Variants in SETD1A observed in about 807,000 individuals in gnomAD.
SETD1A encodes SET domain containing 1A, histone lysine methyltransferase.
A neutral mutation model predicts 149.9 loss-of-function variants in SETD1A; 29 were observed. The ratio of observed to expected loss-of-function variants is 0.19; its 90% CI spans 0.14 to 0.26. SETD1A has a LOEUF of 0.26. Ranked by LOEUF, SETD1A falls within the 10% of genes least tolerant of loss-of-function variation. SETD1A has a pLI of 1.00. For missense variants in SETD1A, 2,109 were observed against 2,353.1 expected, an observed-to-expected ratio of 0.90 and a Z score of 2.15; for synonymous variants, 1,141 against 968.5, an observed-to-expected ratio of 1.18 and a Z score of -3.31.
rs1567363730 is a variant in SETD1A, at chr16:30,979,875, G to A, written c.4089G>A (p.Glu1363=). ...AGCAGCAGCGGGAGGAGGGCGAAGA[G>A]GAGGGGGAGGAAGAGGGGGAGGAAG... ...QLQQQREEGE[E]EGEEEGEEEE... is the part of the protein sequence containing the mutation. The change falls in exon 14 of 19, where the codon GAG becomes GAA. Residue 1363 remains glutamate, a synonymous_variant. Transcript: ENST00000262519. 6.5e-7 allele frequency: 1 copy of A among 1,536,562 alleles called. No individual in the cohort carries two copies. Among genetic ancestry groups the A allele is most frequent in the Non-Finnish European group, 8.7e-7 (1 of 1,147,270 alleles).
rs1354982244 is a variant in SETD1A, at chr16:30,983,474, T to C, written c.4813-161T>C. Among the ~76,000 whole-genome samples, 2 of 152,168 alleles carry C rather than the reference T, an allele frequency of 1.3e-5. No individual in the cohort carries two copies. The highest frequency in any genetic ancestry group is 2.9e-5 in the Non-Finnish European group (2 of 68,038). On this transcript the variant is annotated intron_variant, in intron 17 of 18. Coordinates refer to ENST00000262519, the MANE Select transcript of SETD1A (RefSeq NM_014712.3). This position sits in a 1 kb window ranked among gnomAD's most constrained non-coding sequence, Gnocchi z 6.8. ...TGCTGCCCCAAAGAGGGAGGGCTCC[T>C]GGAAGCAGAGTCGAGAGAGTCAGTG...
Position 30,983,862 on chromosome 16 carries a change from G to A in SETD1A, c.4963G>A (p.Ala1655Thr). ...INHCCTPNCY[A>T]KVITIESQKK... is the part of the protein sequence containing the mutation. ...CTTCCATCCGCAGCCTAACTGCTAC[G>A]CCAAGGTCATCACCATCGAGTCCCA... The change falls in exon 19 of 19, where the codon GCC becomes ACC. Residue 1655 changes from alanine (A) to threonine (T), a missense_variant. Physicochemically the swap from Ala to Thr is moderately conservative, Grantham distance 58. Transcript: ENST00000262519. This position sits in a 1 kb window ranked among gnomAD's most constrained non-coding sequence, Gnocchi z 6.8. 6.2e-7 allele frequency: 1 copy of A among 1,610,456 alleles called. No homozygotes were observed. The highest frequency in any genetic ancestry group is 8.5e-7 in the Non-Finnish European group (1 of 1,178,060).
At chr16:30,960,507 CCA>C (rs2056036241) in intron 3 of SETD1A, among the ~76,000 whole-genome samples, 1 of 152,132 alleles carries the variant, frequency 6.6e-6, no homozygotes, top group Non-Finnish European at 1.5e-5. Context: ...TCCCTGGGCT[CCA>C]GAACACCATG....
Position 30,983,894 on chromosome 16 carries a change from G to T in SETD1A, c.4995G>T (p.Lys1665Asn). 2 of 1,612,556 alleles carry T rather than the reference G, an allele frequency of 1.2e-6. No individual in the cohort carries two copies. Among genetic ancestry groups the T allele is most frequent in the Non-Finnish European group, 1.7e-6 (2 of 1,179,252 alleles). Reference sequence around the variant, plus strand: ...TCATCACCATCGAGTCCCAGAAGAAGATCGTGATCTACTCCAAGCAGCCCA... The same window carrying T: ...TCATCACCATCGAGTCCCAGAAGAATATCGTGATCTACTCCAAGCAGCCCA... ...AKVITIESQK[K>N]IVIYSKQPIG... Residue 1665 changes from lysine (K) to asparagine (N), a missense_variant, in exon 19 of 19, where the codon AAG (lysine) becomes AAT (asparagine). Physicochemically the swap from Lys to Asn is moderately conservative, Grantham distance 94. This residue lies in a region of SETD1A where 254 missense variants were observed against 409.3 expected (regional missense o/e 0.62). Coordinates refer to ENST00000262519, the MANE Select transcript of SETD1A (RefSeq NM_014712.3). The surrounding 1 kb of genome is among the most constrained non-coding windows in gnomAD (Gnocchi z 6.8).
In SETD1A at chr16:30,961,217, G is replaced by A. The variant is rs2056047772; in HGVS notation, c.247-50G>A. 13 of 1,586,704 alleles carry A rather than the reference G, an allele frequency of 8.2e-6. No individual in the cohort carries two copies. Among genetic ancestry groups the A allele is most frequent in the Non-Finnish European group, 1.1e-5 (13 of 1,161,786 alleles). ...TGCTAAAGTTTCCCGAAGGACAAAG[G>A]AACAGTGGTCAGTGTTGAGACCCCA... On this transcript the variant is annotated intron_variant, in intron 3 of 18. Coordinates refer to ENST00000262519, the MANE Select transcript of SETD1A (RefSeq NM_014712.3). This position sits in a 1 kb window ranked among gnomAD's most constrained non-coding sequence, Gnocchi z 4.0.
intron 4 of SETD1A, among the ~76,000 whole-genome samples, chr16:30,962,802 G>A (rs1056410501): frequency 6.6e-6 from 1 of 152,180 alleles, no homozygotes; most frequent in Admixed American, 6.5e-5. Context: ...ACAAAAATCC[G>A]GACGTGGTGG....
chr16:30,983,825 G>C lies in SETD1A; in HGVS notation c.4951-25G>C. The C allele has an allele frequency of 6.2e-7, 1 of 1,610,774 alleles. No homozygotes were observed. The highest frequency in any genetic ancestry group is 8.5e-7 in the Non-Finnish European group (1 of 1,178,004). ...GTTGGGGGTCGGTGGGGGTGGCCAC[G>C]GCTCACACGCCCTTCCATCCGCAGC... On this transcript the variant is annotated intron_variant, in intron 18 of 18. Transcript: ENST00000262519. The surrounding 1 kb of genome is among the most constrained non-coding windows in gnomAD (Gnocchi z 6.8).
At chr16:30,968,241 C>T (rs2056174692) in intron 10 of SETD1A, among the ~76,000 whole-genome samples, 1 of 151,954 alleles carries the variant, frequency 6.6e-6, no homozygotes, top group South Asian at 2.1e-4. Flanking sequence ...CCTGTCTCTA[C>T]TAAAAATACA....
Position 30,980,062 on chromosome 16 carries a change from A to G in SETD1A, c.4276A>G (p.Ile1426Val). ...EPRSEFEQMT[I>V]LYDIWNSGLD... is the part of the protein sequence containing the mutation. ...ACGCAGTGAGTTTGAACAGATGACC[A>G]TCCTGTATGACATTTGGAACTCGGG... The change falls in exon 14 of 19, where the codon ATC (isoleucine) becomes GTC (valine). Residue 1426 changes from isoleucine to valine, a missense_variant. By Grantham distance (29) the Ile-to-Val change is conservative (BLOSUM62 3). Coordinates refer to ENST00000262519, the MANE Select transcript of SETD1A (RefSeq NM_014712.3). This position sits in a 1 kb window ranked among gnomAD's most constrained non-coding sequence, Gnocchi z 7.7. 3 of 1,573,036 alleles carry G rather than the reference A, an allele frequency of 1.9e-6. No individual in the cohort carries two copies. The highest frequency in any genetic ancestry group is 2.4e-5 in the East Asian group (1 of 40,978).
chr16:30,964,066 C>G (rs752058965), intron 5 of SETD1A, 28 bp from the exon 6 acceptor site: 7 of 1,582,292 alleles, frequency 4.4e-6, no homozygotes, highest in Middle Eastern at 1.7e-4. Context: ...GCCCATTCCT[C>G]TCTCCTTGCC....
chr16:30,961,578 C>T lies in SETD1A; in HGVS notation c.517+41C>T, dbSNP rs769912152. 5.6e-6 allele frequency: 9 copies of T among 1,599,712 alleles called. No homozygotes were observed. The highest frequency in any genetic ancestry group is 3.3e-5 in the South Asian group (3 of 89,784). ...CCTGCCACTCAGGCTTGGCCTCCAGCGGAGGTTGTACATGCAAATGCCTGT... is the reference window on the plus strand; with the variant it reads ...CCTGCCACTCAGGCTTGGCCTCCAGTGGAGGTTGTACATGCAAATGCCTGT... On this transcript the variant is annotated intron_variant, in intron 4 of 18. Transcript: ENST00000262519. This position sits in a 1 kb window ranked among gnomAD's most constrained non-coding sequence, Gnocchi z 4.0.
chr16:30,969,159 G>C, intron 10 of SETD1A, 146 bp from the exon 11 acceptor site: 1 of 791,402 alleles, frequency 1.3e-6, no homozygotes, highest in Admixed American at 2.9e-5. Flanking sequence ...TGAGGTGTTT[G>C]AGTTCCTCTG....
rs766160452 is a variant in SETD1A, at chr16:30,966,140, A to G, written c.2259A>G (p.Pro753=). 1.2e-6 allele frequency: 2 copies of G among 1,604,654 alleles called. No homozygotes were observed. The highest frequency in any genetic ancestry group is 2.2e-5 in the South Asian group (2 of 90,366). Residue 753 remains proline, a synonymous_variant, in exon 8 of 19, where the codon CCA becomes CCG. Transcript: ENST00000262519. ...YSREAYHLPM[P]MAAEPLPSSS... is the part of the protein sequence containing the mutation. ...GGGAGGCCTACCACCTGCCCATGCC[A>G]ATGGCAGCCGAGCCCCTGCCCTCCT...
intron 13 of SETD1A, 139 bp downstream of exon 13, chr16:30,971,858 C>G: frequency 1.7e-6 from 2 of 1,176,806 alleles, no homozygotes; most frequent in Non-Finnish European, 2.3e-6. Context: ...TCTCCTGTCA[C>G]TACCTTCTAG....
chr16:30,963,582 CT>C, intron 5 of SETD1A, 28 bp downstream of exon 5: 1 of 1,602,946 alleles, frequency 6.2e-7, no homozygotes, highest in East Asian at 2.2e-5. Flanking sequence ...ACCACAGCCC[CT>C]AGCCATGTGG....
Position 30,964,183 on chromosome 16 carries a change from C to T in SETD1A, c.729C>T (p.Cys243=). 1 of 1,614,114 alleles carries T rather than the reference C, an allele frequency of 6.2e-7. No individual in the cohort carries two copies. The highest frequency in any genetic ancestry group is 1.1e-5 in the South Asian group (1 of 91,084). Residue 243 remains cysteine (C), a synonymous_variant, in exon 6 of 19, where the codon TGC becomes TGT. Transcript: ENST00000262519. ...AVGTPGNGTP[C]SQDTSFSSSR... Reference sequence around the variant, plus strand: ...GCACTCCTGGCAACGGCACCCCCTGCTCCCAGGACACAAGCTTCTCCAGCA... The same window carrying T: ...GCACTCCTGGCAACGGCACCCCCTGTTCCCAGGACACAAGCTTCTCCAGCA...
intron 17 of SETD1A, among the ~76,000 whole-genome samples, chr16:30,982,117 G>A (rs1170046575): frequency 6.6e-6 from 1 of 152,208 alleles, no homozygotes; most frequent in Non-Finnish European, 1.5e-5. Context: ...AAGTGGTAGT[G>A]TGTGTGCGCT....
Position 30,983,831 on chromosome 16 carries a change from C to T in SETD1A, c.4951-19C>T. ...GGTCGGTGGGGGTGGCCACGGCTCA[C>T]ACGCCCTTCCATCCGCAGCCTAACT... On this transcript the variant is annotated intron_variant, in intron 18 of 18. Transcript: ENST00000262519. This position sits in a 1 kb window ranked among gnomAD's most constrained non-coding sequence, Gnocchi z 6.8. 6.2e-7 allele frequency: 1 copy of T among 1,610,312 alleles called. No homozygotes were observed. The highest frequency in any genetic ancestry group is 8.5e-7 in the Non-Finnish European group (1 of 1,177,776).
chr16:30,976,801 GGAGGTGGCA>G (rs775100723), intron 13 of SETD1A, among the ~76,000 whole-genome samples: 1 of 152,100 alleles, frequency 6.6e-6, no homozygotes, highest in Non-Finnish European at 1.5e-5. Context: ...AGTCCCCTGG[GGAGGTGGCA>G]GAGGTGGAAG....
Sources: gnomAD v4.1 joint callset for allele counts (sites outside exome capture counted in the v4.1 genomes callset) on GRCh38, gnomAD v4.1.1 for gene constraint, gnomAD v4.1.1 regional missense constraint, Gnocchi (gnomAD v3.1) non-coding constraint, MANE v1.5 for transcripts, NCBI Gene and HGNC (gene_info 2026-07-23, HGNC 2026-07-21) for gene names.